The following TEK variants were observed in gnomAD, a reference collection of about 807,000 sequenced individuals.
TEK encodes angiopoietin-1 receptor.
Under a neutral mutation model 131.8 loss-of-function variants are expected in TEK, and 43 were observed. That is an observed-to-expected ratio of 0.33 (90% CI 0.26 to 0.42). The LOEUF is 0.42. Among genes scored for constraint, TEK ranks in the 10% least tolerant of loss-of-function variants. The pLI, the probability that TEK is intolerant of heterozygous loss-of-function variation, is 1.00. For missense variants in TEK, 1,162 were observed against 1,384.4 expected, an observed-to-expected ratio of 0.84 and a Z score of 2.55; for synonymous variants, 580 against 491.6, an observed-to-expected ratio of 1.18 and a Z score of -2.38.
intron 1 of TEK, among the ~76,000 whole-genome samples, chr9:27,131,855 A>G (rs764562150): frequency 2.2e-4 from 34 of 152,030 alleles, no homozygotes; most frequent in Non-Finnish European, 3.8e-4. Context: ...TTGTTTCTGT[A>G]GTTTCCCCTC....
chr9:27,222,882 C>T (rs12553521), intron 21 of TEK, among the ~76,000 whole-genome samples: 11,555 of 151,732 alleles, frequency 0.076, 592 homozygotes, highest in Admixed American at 0.17. Flanking sequence ...ACCCATCTAA[C>T]GTGCAAAGAT....
At chr9:27,114,873 T>C (rs1410419911) in intron 1 of TEK, among the ~76,000 whole-genome samples, 1 of 152,230 alleles carries the variant, frequency 6.6e-6, no homozygotes, top group Non-Finnish European at 1.5e-5. Flanking sequence ...TTCTATTCAA[T>C]AGATATTTAT....
chr9:27,114,590 T>C (rs957663063), intron 1 of TEK, among the ~76,000 whole-genome samples: 1 of 151,770 alleles, frequency 6.6e-6, no homozygotes, highest in Non-Finnish European at 1.5e-5. Context: ...TAAAAAAAAA[T>C]TTAATATTAG....
rs762979066 is a variant in TEK, at chr9:27,173,256, A to G, written c.795A>G (p.Lys265=). The part of the protein sequence containing the change: ...CELHTFGRTC[K]ERCSGQEGCK... ...TGCACACGTTTGGCAGAACTTGTAA[A>G]GAAAGGTGCAGTGGACAAGAGGGAT... Residue 265 remains lysine, a synonymous_variant, in exon 6 of 23, where the codon AAA becomes AAG. Transcript: ENST00000380036. 1 of 1,614,092 alleles carries G rather than the reference A, an allele frequency of 6.2e-7. No individual in the cohort carries two copies. Among genetic ancestry groups the G allele is most frequent in the South Asian group, 1.1e-5 (1 of 91,084 alleles).
intron 1 of TEK, among the ~76,000 whole-genome samples, chr9:27,119,058 G>A (rs942982106): frequency 2.0e-5 from 3 of 152,196 alleles, no homozygotes; most frequent in African/African-American, 7.2e-5. Flanking sequence ...TTTCAGTTCT[G>A]TGAGCTAGTT....
At position 27,181,454 on chromosome 9, in the gene TEK, T is replaced by G. The variant is rs1028902878; in HGVS notation, c.1030+1086T>G. Among the ~76,000 whole-genome samples, 8 of 152,230 alleles carry G rather than the reference T, an allele frequency of 5.3e-5. No individual in the cohort carries two copies. In the East Asian group the frequency reaches 1.5e-3, roughly 29 times the overall value. On this transcript the variant is annotated intron_variant, in intron 7 of 22. Transcript: ENST00000380036. ...CAACCATATCTTCTGTCTCTGTAGA[T>G]TGCCTGTTCTTGACATTTTATATGC...
chr9:27,219,341 C>G (rs909690486), intron 20 of TEK, among the ~76,000 whole-genome samples: 1 of 152,126 alleles, frequency 6.6e-6, no homozygotes, highest in Non-Finnish European at 1.5e-5. Context: ...TTTGCAGGAC[C>G]ATGGATGAAG....
chr9:27,137,927 G>A (rs975266773), intron 1 of TEK, among the ~76,000 whole-genome samples: 5 of 152,122 alleles, frequency 3.3e-5, no homozygotes, highest in African/African-American at 1.2e-4. Context: ...AAGATGGTGT[G>A]TCCAGAGTTT....
chr9:27,114,728 A>G (rs681182), intron 1 of TEK, among the ~76,000 whole-genome samples: 113,871 of 152,142 alleles, frequency 0.75, 43,375 homozygotes, highest in East Asian at 0.92. Context: ...TTTGATGTAA[A>G]TAAAGTTGAA....
intron 6 of TEK, among the ~76,000 whole-genome samples, chr9:27,175,089 A>C: frequency 6.8e-6 from 1 of 147,004 alleles, no homozygotes. Flanking sequence ...TGCACCCATC[A>C]ACTCGTCATT....
intron 21 of TEK, among the ~76,000 whole-genome samples, chr9:27,226,090 G>A (rs1207011250): frequency 6.6e-6 from 1 of 152,222 alleles, no homozygotes; most frequent in Non-Finnish European, 1.5e-5. Context: ...GACAGATGCT[G>A]GAGAGGATGT....
intron 15 of TEK, among the ~76,000 whole-genome samples, chr9:27,207,708 C>A (rs1333818005): frequency 6.6e-6 from 1 of 152,154 alleles, no homozygotes; most frequent in Non-Finnish European, 1.5e-5. Context: ...TATCATTGTG[C>A]AGCTCCATCT....
intron 7 of TEK, among the ~76,000 whole-genome samples, chr9:27,182,590 C>G (rs1406038455): frequency 6.6e-6 from 1 of 152,166 alleles, no homozygotes; most frequent in East Asian, 1.9e-4. Context: ...AAGAAACAGT[C>G]TGTAGTTACT....
At chr9:27,207,696 A>G (rs375522077) in intron 15 of TEK, among the ~76,000 whole-genome samples, 13 of 152,256 alleles carry the variant, frequency 8.5e-5, no homozygotes, top group African/African-American at 3.1e-4. Context: ...ATGATGAACT[A>G]TTATCATTGT....
chr9:27,172,384 C>T (rs574601776), intron 4 of TEK, among the ~76,000 whole-genome samples: 2 of 152,306 alleles, frequency 1.3e-5, no homozygotes, highest in East Asian at 1.9e-4. Flanking sequence ...TTCCTTTATG[C>T]CCTCTTCTAT....
At chr9:27,168,646 A>G (rs964201320) in intron 3 of TEK, 41 bp downstream of exon 3, 3 of 1,354,404 alleles carry the variant, frequency 2.2e-6, no homozygotes, top group African/African-American at 1.4e-5. Context: ...ATGATGTGAG[A>G]TATCAGATAA....
At chr9:27,125,306 GCATGAGTAATA>G (rs543625193) in intron 1 of TEK, among the ~76,000 whole-genome samples, 23 of 152,338 alleles carry the variant, frequency 1.5e-4, no homozygotes, top group Non-Finnish European at 3.1e-4. Flanking sequence ...TATGATTGCA[GCATGAGTAATA>G]CATGAGTTCT....
At chr9:27,203,492 C>T (rs1293220735) in intron 13 of TEK, among the ~76,000 whole-genome samples, 1 of 152,054 alleles carries the variant, frequency 6.6e-6, no homozygotes, top group Admixed American at 6.5e-5. Flanking sequence ...TCAAACACTC[C>T]TTTTTTTAGC....
chr9:27,185,429 C>T (rs1428825943), intron 8 of TEK, 56 bp from the exon 9 acceptor site: 16 of 1,607,330 alleles, frequency 1.0e-5, no homozygotes, highest in Non-Finnish European at 1.4e-5. Context: ...ATGTTATGGA[C>T]CTTTGCGTTT....
Sources: allele counts gnomAD v4.1 joint callset (sites outside exome capture counted in the v4.1 genomes callset), GRCh38; gene constraint gnomAD v4.1.1; transcripts MANE v1.5; gene names NCBI Gene and HGNC (gene_info 2026-07-23, HGNC 2026-07-21).